Variants in DNAH2 observed in about 807,000 individuals in gnomAD.
DNAH2 encodes the protein dynein axonemal heavy chain 2.
Under a neutral mutation model 523.5 loss-of-function variants are expected in DNAH2, and 323 were observed. That is an observed-to-expected ratio of 0.62 (90% CI 0.56 to 0.68). The LOEUF is 0.68. Ranked by LOEUF, DNAH2 falls within the 30% of genes least tolerant of loss-of-function variation. The pLI, the probability that DNAH2 is intolerant of heterozygous loss-of-function variation, is 0.00. For missense variants in DNAH2, 4,907 were observed against 5,701.5 expected (o/e 0.86, Z 4.49); for synonymous variants, 2,093 against 2,177.4 (o/e 0.96, Z 1.08).
At chr17:7,746,414 G>A (rs2075520046) in intron 12 of DNAH2, among the ~76,000 whole-genome samples, 1 of 152,002 alleles carries the variant, frequency 6.6e-6, no homozygotes, top group African/African-American at 2.4e-5. Flanking sequence ...TATACATATT[G>A]TTCTATATAT....
At chr17:7,816,227 C>CATTTAGG (rs1232729530) in intron 63 of DNAH2, among the ~76,000 whole-genome samples, 3 of 152,138 alleles carry the variant, frequency 2.0e-5, no homozygotes, top group Non-Finnish European at 4.4e-5. Flanking sequence ...TATGTGCTGT[C>CATTTAGG]TGGCCTTCAC....
rs1275317088 is a variant in DNAH2 at position 7,801,727 on chromosome 17, C to T, written c.8832+17C>T. The T allele has an allele frequency of 6.2e-7, 1 of 1,613,722 alleles. No homozygotes were observed. The highest frequency in any genetic ancestry group is 2.2e-5 in the East Asian group (1 of 44,862). ...CAGGAGAATGTGAGCCCCTCCTCCC[C>T]ACCTCTCATTGCATCCCTGGCCTCC... On this transcript the variant is annotated intron_variant, in intron 57 of 85. Transcript: ENST00000572933.
intron 77 of DNAH2, 134 bp from the exon 78 acceptor site, chr17:7,830,166 C>T (rs1342383821): frequency 1.2e-6 from 1 of 866,874 alleles, no homozygotes; most frequent in Non-Finnish European, 1.7e-6. Context: ...TCAACGGCTA[C>T]ATTTCAGCCT....
In DNAH2 at chr17:7,788,248, A is replaced by G. The variant is rs1457006211; in HGVS notation, c.6900+4A>G. 1 of 1,574,734 alleles carries G rather than the reference A, an allele frequency of 6.4e-7. No homozygotes were observed. The highest frequency in any genetic ancestry group is 2.3e-5 in the East Asian group (1 of 43,516). ...CCTGGCCACGCCAGAGAATGGGGTA[A>G]GGGGAGGACACAGACCACGGGCAGG... On this transcript the variant is annotated splice_donor_region_variant and intron_variant, in intron 44 of 85. Transcript: ENST00000572933.
chr17:7,804,901 A>G (rs2077325585), intron 59 of DNAH2, 57 bp from the exon 60 acceptor site: 1 of 1,425,064 alleles, frequency 7.0e-7, no homozygotes, highest in South Asian at 1.2e-5. Flanking sequence ...CAACACCGTC[A>G]CTCCCACCTT....
chr17:7,806,769 C>T (rs1191627981), intron 61 of DNAH2, among the ~76,000 whole-genome samples: 1 of 151,586 alleles, frequency 6.6e-6, no homozygotes, highest in Non-Finnish European at 1.5e-5. Context: ...GGAACCGGGA[C>T]TCTGTGTTCC....
chr17:7,820,916 G>A lies in DNAH2; in HGVS notation c.11016-327G>A, dbSNP rs1005353030. Among the ~76,000 whole-genome samples the A allele has an allele frequency of 2.6e-5, 4 of 152,260 alleles. No individual in the cohort carries two copies. In the East Asian group the frequency reaches 7.7e-4, roughly 29 times the overall value. ...TAGCCAGGCGTGGTGATGGGCTCCT[G>A]TAATCCCAGCTGCTTGGGAGCCTGA... On this transcript the variant is annotated intron_variant, in intron 72 of 85. Coordinates refer to ENST00000572933, the MANE Select transcript of DNAH2 (RefSeq NM_020877.5).
Position 7,771,473 on chromosome 17 carries a change from G to C in DNAH2, c.4501+5G>C, listed in dbSNP as rs2076313832. 6.2e-7 allele frequency: 1 copy of C among 1,613,750 alleles called. No individual in the cohort carries two copies. The highest frequency in any genetic ancestry group is 8.5e-7 in the Non-Finnish European group (1 of 1,179,848). ...TCCGGAGCACCCATCACCCAGGTCA[G>C]AGCTCCAGGGCTCCTGCCCTGACAC... is the stretch of plus-strand genomic sequence containing the variant. On this transcript the variant is annotated splice_donor_5th_base_variant and intron_variant, in intron 28 of 85. Transcript: ENST00000572933.
chr17:7,831,542 G>C lies in DNAH2; in HGVS notation c.12611+1G>C, dbSNP rs2078175011. 1 of 1,614,080 alleles carries C rather than the reference G, an allele frequency of 6.2e-7. No individual in the cohort carries two copies. Among genetic ancestry groups the C allele is most frequent in the Non-Finnish European group, 8.5e-7 (1 of 1,180,040 alleles). On this transcript the variant is annotated splice_donor_variant, in intron 81 of 85. Transcript: ENST00000572933. LOFTEE classifies it high-confidence loss of function. The surrounding 1 kb of genome is among the most constrained non-coding windows in gnomAD (Gnocchi z 4.2). ...ACAACACACTGATGCAGACCATCCT[G>C]TAAGACAGAGGGGGACTCTGCGGAA...
chr17:7,794,335 A>G lies in DNAH2; in HGVS notation c.7651A>G (p.Ile2551Val), dbSNP rs768221388. The G allele has an allele frequency of 6.2e-7, 1 of 1,609,830 alleles. No individual in the cohort carries two copies. The highest frequency in any genetic ancestry group is 8.5e-7 in the Non-Finnish European group (1 of 1,178,228). The change falls in exon 49 of 86, where the codon ATT becomes GTT. Residue 2551 changes from isoleucine to valine, a missense_variant. Transcript: ENST00000572933. ...CCCAAGGCTACGGAGTCGCTTCAACATTATCAACATGACCTTCCCCACAGT... is the reference window on the plus strand; with the variant it reads ...CCCAAGGCTACGGAGTCGCTTCAACGTTATCAACATGACCTTCCCCACAGT... ...ISPRLRSRFNIINMTFPTKSQ... is the reference protein window; with the variant it reads ...ISPRLRSRFNVINMTFPTKSQ...
chr17:7,785,030 C>T (rs914649595), intron 39 of DNAH2, among the ~76,000 whole-genome samples: 1 of 151,480 alleles, frequency 6.6e-6, no homozygotes, highest in Non-Finnish European at 1.5e-5. Context: ...AGAAAAAGCC[C>T]GAGTGTTTGG....
rs763640150 is a variant in DNAH2 at position 7,818,465 on chromosome 17, G to A, written c.10536+5G>A. 6 of 1,614,116 alleles carry A rather than the reference G, an allele frequency of 3.7e-6. No homozygotes were observed. Among genetic ancestry groups the A allele is most frequent in the South Asian group, 1.1e-5 (1 of 91,070 alleles). On this transcript the variant is annotated splice_donor_5th_base_variant and intron_variant, in intron 69 of 85. Coordinates refer to ENST00000572933, the MANE Select transcript of DNAH2 (RefSeq NM_020877.5). ...AACTTTGCTGTTAAAGAACAGGTGG[G>A]TACAGGCTGAGGTCCAGACTGAGCT...
intron 48 of DNAH2, among the ~76,000 whole-genome samples, chr17:7,793,455 C>CTTTCTTTCTT: frequency 1.2e-5 from 1 of 83,916 alleles, no homozygotes; most frequent in South Asian, 3.4e-4. Flanking sequence ...CTTTTTCTTT[C>CTTTCTTTCTT]TTTCTTTCTT....
intron 25 of DNAH2, 24 bp downstream of exon 25, chr17:7,770,432 C>G (rs1441304454): frequency 1.2e-6 from 2 of 1,611,404 alleles, no homozygotes; most frequent in Non-Finnish European, 1.7e-6. Flanking sequence ...CTCCCATGCT[C>G]CCACACCTCC....
In DNAH2 at chr17:7,742,870, G is replaced by T. The variant is rs535056068; in HGVS notation, c.1690-58G>T. The T allele has an allele frequency of 5.0e-5, 64 of 1,268,860 alleles. 1 individual carries two copies. In the African/African-American group the frequency reaches 8.7e-4, roughly 17 times the overall value. 78.6% of individuals were successfully genotyped at this position (1,268,860 alleles called of 1,614,324 possible). On this transcript the variant is annotated intron_variant, in intron 11 of 85. Coordinates refer to ENST00000572933, the MANE Select transcript of DNAH2 (RefSeq NM_020877.5). Reference sequence around the variant, plus strand: ...CGCATGTGTAGGTCTCAGGGAGATGGTGGCCCCTGGAGGAAGGTGGCAGGC... The same window carrying T: ...CGCATGTGTAGGTCTCAGGGAGATGTTGGCCCCTGGAGGAAGGTGGCAGGC...
At chr17:7,775,213 G>A in intron 29 of DNAH2, 28 bp from the exon 30 acceptor site, 1 of 1,604,002 alleles carries the variant, frequency 6.2e-7, no homozygotes, top group Non-Finnish European at 8.5e-7. Context: ...GGGCAGGCCA[G>A]GCTCTGAGTA....
chr17:7,801,656 G>T lies in DNAH2; in HGVS notation c.8778G>T (p.Leu2926=). The T allele has an allele frequency of 1.2e-6, 2 of 1,614,178 alleles. No individual in the cohort carries two copies. Among genetic ancestry groups the T allele is most frequent in the Non-Finnish European group, 1.7e-6 (2 of 1,180,026 alleles). ...TCTCAGAGTGGCCCCAAGAGGCCCT[G>T]CTCGAGGTGGCTGAGAAGTGCCTCA... ...NWFSEWPQEA[L]LEVAEKCLIG... is the part of the protein sequence containing the mutation. The change falls in exon 57 of 86, where the codon CTG becomes CTT. Residue 2926 remains leucine, a synonymous_variant. Coordinates refer to ENST00000572933, the MANE Select transcript of DNAH2 (RefSeq NM_020877.5).
Position 7,723,038 on chromosome 17 carries a change from C to T in DNAH2, c.167-590C>T, listed in dbSNP as rs1202225165. Among the ~76,000 whole-genome samples, 8 of 138,974 alleles carry T rather than the reference C, an allele frequency of 5.8e-5. 1 individual carries two copies. The highest frequency in any genetic ancestry group is 1.1e-4 in the Non-Finnish European group (7 of 65,870). 91.2% of individuals were successfully genotyped at this position (138,974 alleles called of 152,430 possible). ...AGGCTGGAGTGCAGTGGCGCAATCT[C>T]GGCTCACTACAAGCTCCGCCTCCCA... is the stretch of plus-strand genomic sequence containing the variant. On this transcript the variant is annotated intron_variant, in intron 2 of 85. Transcript: ENST00000572933.
intron 63 of DNAH2, among the ~76,000 whole-genome samples, chr17:7,812,281 G>A (rs1053328603): frequency 1.3e-5 from 2 of 152,062 alleles, no homozygotes; most frequent in African/African-American, 2.4e-5. Context: ...GGGGTTGATC[G>A]TGGTAAAATA....
Sources: allele counts gnomAD v4.1 joint callset (sites outside exome capture counted in the v4.1 genomes callset), GRCh38; gene constraint gnomAD v4.1.1; non-coding constraint Gnocchi (gnomAD v3.1); transcripts MANE v1.5; gene names NCBI Gene and HGNC (gene_info 2026-07-23, HGNC 2026-07-21).